VGLL3: variants seen among roughly 807,000 people sequenced by gnomAD.
The protein encoded by VGLL3 is vestigial like family member 3, also known as transcription cofactor vestigial-like protein 3.
A neutral mutation model predicts 29.2 loss-of-function variants in VGLL3; 18 were observed. That is an observed-to-expected ratio of 0.62 (90% CI 0.43 to 0.91). The LOEUF is 0.91. Among genes scored for constraint, VGLL3 ranks in the 40% least tolerant of loss-of-function variants. The pLI is 0.00. For missense variants in VGLL3, 440 were observed against 413.2 expected (o/e 1.06, Z -0.56); for synonymous variants, 180 against 151.8 (o/e 1.19, Z -1.36).
At chr3:86,951,996 G>A (rs1357390124) in intron 3 of VGLL3, among the ~76,000 whole-genome samples, 1 of 152,106 alleles carries the variant, frequency 6.6e-6, no homozygotes, top group African/African-American at 2.4e-5. Context: ...ACAGATTAGA[G>A]GAGGAGGGTA....
chr3:86,950,224 CTG>C (rs1704589695), intron 3 of VGLL3, among the ~76,000 whole-genome samples: 2 of 152,190 alleles, frequency 1.3e-5, no homozygotes, highest in East Asian at 3.9e-4. Context: ...GTTGTTCAGA[CTG>C]TGAGATTTTT....
intron 2 of VGLL3, among the ~76,000 whole-genome samples, chr3:86,973,085 ACAC>A (rs1278426104): frequency 6.6e-6 from 1 of 152,114 alleles, no homozygotes; most frequent in Non-Finnish European, 1.5e-5. Context: ...ACACACACAC[ACAC>A]ATTACCTCCA....
intron 3 of VGLL3, among the ~76,000 whole-genome samples, chr3:86,954,045 T>C (rs1704667313): frequency 6.6e-6 from 1 of 152,182 alleles, no homozygotes; most frequent in Admixed American, 6.5e-5. Context: ...GGCAGCATAA[T>C]AATTTTCTGG....
intron 3 of VGLL3, among the ~76,000 whole-genome samples, chr3:86,952,394 G>A (rs919950736): frequency 2.6e-5 from 4 of 152,128 alleles, no homozygotes; most frequent in African/African-American, 9.7e-5. Context: ...AGAAAGTATA[G>A]TCATTTAACA....
At chr3:86,960,166 TAACAATTTTGAGAACTTAA>T (rs1344942576) in intron 3 of VGLL3, among the ~76,000 whole-genome samples, 77 of 152,276 alleles carry the variant, frequency 5.1e-4, no homozygotes, top group African/African-American at 1.8e-3. Context: ...GAATAGTATA[TAACAATTTTGAGAACTTAA>T]ACCCATTAAA....
chr3:86,956,561 C>T (rs905408945), intron 3 of VGLL3, among the ~76,000 whole-genome samples: 2 of 152,026 alleles, frequency 1.3e-5, no homozygotes, highest in African/African-American at 2.4e-5. Context: ...CCGAGGCGGG[C>T]GGATCACGAG....
chr3:86,977,889 T>C (rs1331947531), intron 2 of VGLL3, among the ~76,000 whole-genome samples: 2 of 152,230 alleles, frequency 1.3e-5, no homozygotes, highest in Non-Finnish European at 2.9e-5. Flanking sequence ...TAATTTTCTA[T>C]GAGTCAGAAA....
rs139253973 is a variant in VGLL3, at chr3:86,965,923, A to G, written c.937+2667T>C. On this transcript the variant is annotated intron_variant, in intron 3 of 3. Transcript: ENST00000398399. ...GAGAACATTACCCCATAAATTGTCT[A>G]CAAGCAAATCTGAGTCTCAGAGTCT... Among the ~76,000 whole-genome samples the G allele has an allele frequency of 5.9e-3, 893 of 152,272 alleles. 1 individual carries two copies. Among genetic ancestry groups the G allele is most frequent in the South Asian group, 0.022 (107 of 4,826 alleles).
intron 2 of VGLL3, among the ~76,000 whole-genome samples, chr3:86,970,199 C>A (rs1210706677): frequency 6.6e-6 from 1 of 152,082 alleles, no homozygotes; most frequent in Non-Finnish European, 1.5e-5. Context: ...CCTACTCAAT[C>A]GTAATAACAC....
intron 3 of VGLL3, among the ~76,000 whole-genome samples, chr3:86,964,375 G>A (rs1011550657): frequency 8.5e-5 from 13 of 152,186 alleles, no homozygotes; most frequent in South Asian, 2.1e-4. Context: ...TAAAACTTTC[G>A]TTTGTCACTA....
intron 3 of VGLL3, among the ~76,000 whole-genome samples, chr3:86,953,781 T>C (rs1704661306): frequency 6.6e-6 from 1 of 152,190 alleles, no homozygotes; most frequent in Non-Finnish European, 1.5e-5. Context: ...ATGCTTTTTG[T>C]ATACTAGCAT....
At chr3:86,990,169 T>C (rs538131026) in intron 1 of VGLL3, 3 of 275,020 alleles carry the variant, frequency 1.1e-5, no homozygotes, top group Non-Finnish European at 1.7e-5. Flanking sequence ...CCCAGATCAT[T>C]TCGTGAACTC....
chr3:86,987,164 T>C (rs967231865), intron 1 of VGLL3, among the ~76,000 whole-genome samples: 3 of 152,202 alleles, frequency 2.0e-5, no homozygotes, highest in South Asian at 4.1e-4. Context: ...TTCAGCCCTA[T>C]AAAAATCCAT....
chr3:86,971,172 C>T (rs1050490453), intron 2 of VGLL3, among the ~76,000 whole-genome samples: 10 of 152,168 alleles, frequency 6.6e-5, no homozygotes, highest in African/African-American at 2.2e-4. Flanking sequence ...TATGTTCTCT[C>T]TATAAATATC....
chr3:86,974,690 A>T (rs1705172421), intron 2 of VGLL3, among the ~76,000 whole-genome samples: 1 of 152,182 alleles, frequency 6.6e-6, no homozygotes, highest in Admixed American at 6.5e-5. Context: ...GTCAAACACG[A>T]TTCAGTTATT....
chr3:86,965,526 T>C (rs574742111), intron 3 of VGLL3, among the ~76,000 whole-genome samples: 21 of 152,268 alleles, frequency 1.4e-4, no homozygotes, highest in Non-Finnish European at 2.4e-4. Context: ...GGAAAAGTGG[T>C]ACAGTAGCTA....
chr3:86,985,786 T>C (rs1705427718), intron 1 of VGLL3, among the ~76,000 whole-genome samples: 1 of 152,166 alleles, frequency 6.6e-6, no homozygotes, highest in Admixed American at 6.5e-5. Flanking sequence ...AAAAATGTTT[T>C]CTTGGAGGTA....
chr3:86,975,942 T>C (rs1030072385), intron 2 of VGLL3, among the ~76,000 whole-genome samples: 5 of 151,946 alleles, frequency 3.3e-5, no homozygotes, highest in African/African-American at 9.7e-5. Flanking sequence ...TGAAACCCCG[T>C]CTCTACCAAA....
intron 3 of VGLL3, among the ~76,000 whole-genome samples, chr3:86,955,449 G>T (rs1042111204): frequency 2.7e-5 from 4 of 149,818 alleles, no homozygotes; most frequent in African/African-American, 7.4e-5. Context: ...GAGTGCAATG[G>T]TACCATCTCG....
Sources: allele counts gnomAD v4.1 joint callset (sites outside exome capture counted in the v4.1 genomes callset), GRCh38; gene constraint gnomAD v4.1.1; transcripts MANE v1.5; gene names NCBI Gene and HGNC (gene_info 2026-07-23, HGNC 2026-07-21).